COL27A1: variants seen among roughly 807,000 people sequenced by gnomAD.
COL27A1 encodes collagen alpha-1(XXVII) chain.
Under a neutral mutation model 251.3 loss-of-function variants are expected in COL27A1, and 106 were observed. The ratio of observed to expected loss-of-function variants is 0.42; its 90% CI spans 0.36 to 0.50. The LOEUF is 0.50. Among genes scored for constraint, COL27A1 ranks in the 20% least tolerant of loss-of-function variants. The probability of loss-of-function intolerance (pLI) is 0.00; values close to 1 mark genes in which losing one functional copy is unlikely to be tolerated. For synonymous variants in COL27A1, 1,000 were observed against 986.3 expected, an observed-to-expected ratio of 1.01 and a Z score of -0.26; for missense variants, 2,325 against 2,522.8, an observed-to-expected ratio of 0.92 and a Z score of 1.68.
chr9:114,292,323 C>A, intron 49 of COL27A1, 113 bp downstream of exon 49: 1 of 801,778 alleles, frequency 1.2e-6, no homozygotes, highest in Non-Finnish European at 2.0e-6. Context: ...ACACACTGAC[C>A]CAGAAGCCAC....
At chr9:114,254,590 G>A (rs1055781228) in intron 27 of COL27A1, among the ~76,000 whole-genome samples, 3 of 152,174 alleles carry the variant, frequency 2.0e-5, no homozygotes, top group Non-Finnish European at 4.4e-5. Context: ...TAGGGCTGAG[G>A]GGCGATGAGC....
At chr9:114,222,125 A>G (rs1430489615) in intron 13 of COL27A1, 98 bp from the exon 14 acceptor site, 15 of 1,082,826 alleles carry the variant, frequency 1.4e-5, no homozygotes, top group Non-Finnish European at 1.7e-5. Context: ...TTCAGCTCTG[A>G]AAGACCCCAC....
intron 5 of COL27A1, among the ~76,000 whole-genome samples, chr9:114,186,382 AG>A (rs1828336480): frequency 6.6e-6 from 1 of 152,256 alleles, no homozygotes; most frequent in South Asian, 2.1e-4. Flanking sequence ...TGGGGCTACC[AG>A]GGACACAGGC....
chr9:114,234,776 T>G (rs944484174), intron 16 of COL27A1, among the ~76,000 whole-genome samples: 4 of 151,990 alleles, frequency 2.6e-5, no homozygotes, highest in African/African-American at 9.7e-5. Context: ...CTGATTAAAA[T>G]AGTTAATTAG....
chr9:114,228,107 C>T (rs1831634606), intron 14 of COL27A1, among the ~76,000 whole-genome samples: 1 of 152,170 alleles, frequency 6.6e-6, no homozygotes, highest in African/African-American at 2.4e-5. Context: ...CCTGCCCCCA[C>T]CACACACAGA....
chr9:114,196,047 T>G, intron 7 of COL27A1, 35 bp downstream of exon 7: 1 of 1,597,772 alleles, frequency 6.3e-7, no homozygotes, highest in South Asian at 1.1e-5. Flanking sequence ...CCTTGCGCAG[T>G]GGGCCTCCTA....
At chr9:114,243,450 A>T in intron 22 of COL27A1, 57 bp from the exon 23 acceptor site, 1 of 1,480,102 alleles carries the variant, frequency 6.8e-7, no homozygotes, top group South Asian at 1.1e-5. Flanking sequence ...GAGCCCCTGG[A>T]CCCCAGCCAT....
At chr9:114,235,255 C>T (rs74478677) in intron 16 of COL27A1, among the ~76,000 whole-genome samples, 1,958 of 152,162 alleles carry the variant, frequency 0.013, 48 homozygotes, top group African/African-American at 0.045. Context: ...TGACAACACC[C>T]GTTAATGATG....
Position 114,301,291 on chromosome 9 carries a change from A to G in COL27A1, c.4763A>G (p.Lys1588Arg). The G allele has an allele frequency of 1.9e-6, 3 of 1,560,368 alleles. No homozygotes were observed. The highest frequency in any genetic ancestry group is 2.6e-6 in the Non-Finnish European group (3 of 1,150,256). Reference sequence around the variant, plus strand: ...GGCCGTGGTTTGTTGCAGGGTCCGAAGGGTGACAAAGGCAGCCGTGGGGAC... The same window carrying G: ...GGCCGTGGTTTGTTGCAGGGTCCGAGGGGTGACAAAGGCAGCCGTGGGGAC... Reference protein sequence around the residue: ...ILGPSGLPGPKGDKGSRGDWG... With the variant: ...ILGPSGLPGPRGDKGSRGDWG... Residue 1588 changes from lysine (K) to arginine (R), a missense_variant, in exon 53 of 61, where the codon AAG (lysine) becomes AGG (arginine). Around this residue, in one of 4 missense-constraint regions of COL27A1, gnomAD observed 327 missense variants for 442.8 expected, o/e 0.74. Coordinates refer to ENST00000356083, the MANE Select transcript of COL27A1 (RefSeq NM_032888.4).
chr9:114,178,324 C>A lies in COL27A1; in HGVS notation c.1942C>A (p.Pro648Thr). Residue 648 changes from proline (P) to threonine (T), a missense_variant, in exon 4 of 61, where the codon CCT becomes ACT. Coordinates refer to ENST00000356083, the MANE Select transcript of COL27A1 (RefSeq NM_032888.4). ...TGGGCTACCTGGGCTACCTGGAATC[C>A]CTGGTGCACGTGGGCCTCGGGTGAG... Reference protein sequence around the residue: ...PPGLPGLPGIPGARGPRGPPG... With the variant: ...PPGLPGLPGITGARGPRGPPG... 1 of 1,614,062 alleles carries A rather than the reference C, an allele frequency of 6.2e-7. No individual in the cohort carries two copies.
At chr9:114,215,972 G>C (rs1830685576) in intron 12 of COL27A1, among the ~76,000 whole-genome samples, 1 of 152,220 alleles carries the variant, frequency 6.6e-6, no homozygotes, top group Non-Finnish European at 1.5e-5. Context: ...CTCTGCCCCT[G>C]TATCCTACCC....
At chr9:114,303,775 A>G (rs925067644) in intron 56 of COL27A1, among the ~76,000 whole-genome samples, 4 of 152,210 alleles carry the variant, frequency 2.6e-5, no homozygotes, top group African/African-American at 7.2e-5. Flanking sequence ...GACCACGGCT[A>G]TGTCTCTGCC....
intron 30 of COL27A1, 48 bp downstream of exon 30, chr9:114,265,016 C>T: frequency 1.9e-6 from 3 of 1,612,728 alleles, no homozygotes; most frequent in Non-Finnish European, 2.5e-6. Flanking sequence ...CCCCTCCCTG[C>T]TCCGTGCTTT....
chr9:114,293,718 G>T (rs1317549209), intron 49 of COL27A1, among the ~76,000 whole-genome samples: 1 of 152,104 alleles, frequency 6.6e-6, no homozygotes, highest in Non-Finnish European at 1.5e-5. Context: ...AAATTAAAAG[G>T]CTAATAAGGG....
intron 11 of COL27A1, among the ~76,000 whole-genome samples, chr9:114,210,341 C>T (rs1463026296): frequency 6.6e-6 from 1 of 152,198 alleles, no homozygotes; most frequent in East Asian, 1.9e-4. Context: ...TTCCAGAAAC[C>T]ATCTGCTGAT....
chr9:114,309,513 G>A (rs375628769), intron 60 of COL27A1, 35 bp downstream of exon 60: 1 of 1,540,606 alleles, frequency 6.5e-7, no homozygotes, highest in African/African-American at 1.4e-5. Context: ...CCCTTCATGT[G>A]GGGACAACTG....
At position 114,243,762 on chromosome 9, in the gene COL27A1, G is replaced by T. The variant is rs557419964; in HGVS notation, c.2934+202G>T. Among the ~76,000 whole-genome samples the T allele has an allele frequency of 5.9e-5, 9 of 152,084 alleles. No homozygotes were observed. The South Asian group carries it at 1.9e-3, about 32-fold the overall frequency. On this transcript the variant is annotated intron_variant, in intron 23 of 60. Transcript: ENST00000356083. ...CTGTGGGGGATTGTTCAAGTAGTGGGATATAGTCCAGCCACCCTAGATGGT... is the reference window on the plus strand; with the variant it reads ...CTGTGGGGGATTGTTCAAGTAGTGGTATATAGTCCAGCCACCCTAGATGGT...
At chr9:114,198,717 G>T (rs1255972544) in intron 7 of COL27A1, among the ~76,000 whole-genome samples, 2 of 152,166 alleles carry the variant, frequency 1.3e-5, no homozygotes, top group Non-Finnish European at 2.9e-5. Flanking sequence ...GAGAAGGTTT[G>T]TTTCTCTGCC....
At chr9:114,228,820 TTCTC>T (rs1261099023) in intron 14 of COL27A1, among the ~76,000 whole-genome samples, 2 of 152,266 alleles carry the variant, frequency 1.3e-5, no homozygotes, top group African/African-American at 2.4e-5. Flanking sequence ...CAGAATTTCT[TTCTC>T]TCTCTTTTTT....
Sources: allele counts gnomAD v4.1 joint callset (sites outside exome capture counted in the v4.1 genomes callset), GRCh38; gene constraint gnomAD v4.1.1; regional missense constraint gnomAD v4.1.1; transcripts MANE v1.5; gene names NCBI Gene and HGNC (gene_info 2026-07-23, HGNC 2026-07-21).